The following EXOC6B variants were observed in gnomAD, a reference collection of about 807,000 sequenced individuals.
EXOC6B encodes exocyst complex component 6B, also known as SEC15 homolog B.
EXOC6B carries 54 observed loss-of-function variants against 113.5 expected under a neutral mutation model. The ratio of observed to expected loss-of-function variants is 0.48; its 90% CI spans 0.38 to 0.60. The LOEUF (loss-of-function observed/expected upper bound fraction) is 0.60, where lower values mean the gene tolerates loss of function less well. Among genes scored for constraint, EXOC6B ranks in the 20% least tolerant of loss-of-function variants. The pLI, the probability that EXOC6B is intolerant of heterozygous loss-of-function variation, is 0.00. For synonymous variants in EXOC6B, 357 were observed against 339.0 expected, an observed-to-expected ratio of 1.05 and a Z score of -0.58; for missense variants, 797 against 977.5, an observed-to-expected ratio of 0.82 and a Z score of 2.46.
At chr2:72,650,172 TATGAGAATCCAATGCCTGA>T (rs1230602228) in intron 6 of EXOC6B, among the ~76,000 whole-genome samples, 1 of 152,218 alleles carries the variant, frequency 6.6e-6, no homozygotes, top group African/African-American at 2.4e-5. Flanking sequence ...GTGTGCTCCT[TATGAGAATCCAATGCCTGA>T]TGATCTAAGT....
intron 5 of EXOC6B, among the ~76,000 whole-genome samples, chr2:72,726,038 CAG>C (rs1680282051): frequency 6.6e-6 from 1 of 152,082 alleles, no homozygotes; most frequent in Non-Finnish European, 1.5e-5. Flanking sequence ...AGAGAGTATT[CAG>C]CCATAAAAAG....
At chr2:72,371,431 T>G (rs1047136034) in intron 19 of EXOC6B, among the ~76,000 whole-genome samples, 1 of 152,082 alleles carries the variant, frequency 6.6e-6, no homozygotes, top group African/African-American at 2.4e-5. Context: ...GACATAAAAA[T>G]TCTCAACAAA....
intron 18 of EXOC6B, among the ~76,000 whole-genome samples, chr2:72,452,654 C>T (rs953072920): frequency 6.6e-6 from 1 of 152,126 alleles, no homozygotes; most frequent in African/African-American, 2.4e-5. Flanking sequence ...CAGGAATAAG[C>T]ATAGTATGTT....
intron 20 of EXOC6B, among the ~76,000 whole-genome samples, chr2:72,269,977 A>C (rs928008222): frequency 6.6e-6 from 1 of 152,140 alleles, no homozygotes; most frequent in Non-Finnish European, 1.5e-5. Flanking sequence ...ATAATAGGGG[A>C]TGTGAAGAGG....
At chr2:72,380,266 T>C (rs1464349713) in intron 18 of EXOC6B, among the ~76,000 whole-genome samples, 1 of 152,180 alleles carries the variant, frequency 6.6e-6, no homozygotes, top group African/African-American at 2.4e-5. Flanking sequence ...AAAAAATTCT[T>C]AAAAATAAAA....
chr2:72,748,231 C>A (rs1406432441), intron 1 of EXOC6B, among the ~76,000 whole-genome samples: 1 of 151,898 alleles, frequency 6.6e-6, no homozygotes, highest in African/African-American at 2.4e-5. Flanking sequence ...CTGGTCTTTT[C>A]TTTTTCATAT....
intron 20 of EXOC6B, among the ~76,000 whole-genome samples, chr2:72,234,312 T>C (rs1220207484): frequency 6.6e-6 from 1 of 152,104 alleles, no homozygotes; most frequent in African/African-American, 2.4e-5. Context: ...CTTGAACTCC[T>C]GACCTCGTGA....
At position 72,783,291 on chromosome 2, in the gene EXOC6B, T is replaced by C. The variant is rs147313967; in HGVS notation, c.114-41822A>G. Among the ~76,000 whole-genome samples, 635 of 150,852 alleles carry C rather than the reference T, an allele frequency of 4.2e-3. 3 individuals carry two copies. Among genetic ancestry groups the C allele is most frequent in the Non-Finnish European group, 6.6e-3 (448 of 67,740 alleles). On this transcript the variant is annotated intron_variant, in intron 1 of 21. Coordinates refer to ENST00000272427, the MANE Select transcript of EXOC6B (RefSeq NM_015189.3). ...TTAGTGGTGTTGAGCATTTTTAATA[T>C]ACCTGTTGGTCACTTCTTTTTCTTT...
chr2:72,565,877 A>G (rs11689475), intron 7 of EXOC6B, among the ~76,000 whole-genome samples: 2,753 of 152,190 alleles, frequency 0.018, 45 homozygotes, highest in Non-Finnish European at 0.032. Context: ...TACAACCCCT[A>G]TGGAGGAGAA....
rs150127118 is a variant in EXOC6B at position 72,192,698 on chromosome 2, A to T, written c.2197-8511T>A. Among the ~76,000 whole-genome samples the T allele has an allele frequency of 1.4e-4, 21 of 152,306 alleles. No homozygotes were observed. The East Asian group carries it at 3.9e-3, about 28-fold the overall frequency. ...ATGCTAAGACACACTGACAGTGACC[A>T]TACCCCTCTTCCCCAGGGGTGATTT... is the stretch of plus-strand genomic sequence containing the variant. On this transcript the variant is annotated intron_variant, in intron 20 of 21. Coordinates refer to ENST00000272427, the MANE Select transcript of EXOC6B (RefSeq NM_015189.3).
At chr2:72,522,079 C>T (rs902586349) in intron 8 of EXOC6B, among the ~76,000 whole-genome samples, 3 of 152,062 alleles carry the variant, frequency 2.0e-5, no homozygotes, top group African/African-American at 7.2e-5. Context: ...ATAAAGAAAT[C>T]TCCACAACAA....
At chr2:72,427,296 G>A (rs1695253295) in intron 18 of EXOC6B, among the ~76,000 whole-genome samples, 1 of 152,180 alleles carries the variant, frequency 6.6e-6, no homozygotes, top group African/African-American at 2.4e-5. Flanking sequence ...GGCCAGGGCT[G>A]CCAGCATGCT....
intron 18 of EXOC6B, among the ~76,000 whole-genome samples, chr2:72,440,261 C>A (rs1367876830): frequency 1.3e-5 from 2 of 151,788 alleles, no homozygotes; most frequent in African/African-American, 2.4e-5. Context: ...TCTCCAGGGT[C>A]GTAATGAAAA....
At chr2:72,529,462 G>T (rs1029082353) in intron 8 of EXOC6B, among the ~76,000 whole-genome samples, 12 of 151,954 alleles carry the variant, frequency 7.9e-5, no homozygotes, top group Non-Finnish European at 1.8e-4. Context: ...TTACCTTAAG[G>T]GTATTAACTT....
At chr2:72,810,971 G>A (rs1685880703) in intron 1 of EXOC6B, among the ~76,000 whole-genome samples, 1 of 151,582 alleles carries the variant, frequency 6.6e-6, no homozygotes, top group South Asian at 2.1e-4. Flanking sequence ...CACTTAGGAG[G>A]TGAAGGTTCC....
intron 19 of EXOC6B, among the ~76,000 whole-genome samples, chr2:72,366,826 T>C (rs930676741): frequency 2.6e-5 from 4 of 151,766 alleles, no homozygotes; most frequent in Non-Finnish European, 5.9e-5. Flanking sequence ...TAGAATTCAT[T>C]ATACAGTGAA....
chr2:72,407,574 A>T (rs1320864247), intron 18 of EXOC6B, among the ~76,000 whole-genome samples: 1 of 152,198 alleles, frequency 6.6e-6, no homozygotes, highest in South Asian at 2.1e-4. Context: ...GCAAATCAAT[A>T]AACGCAATCC....
At position 72,717,884 on chromosome 2, in the gene EXOC6B, T is replaced by A. The variant is rs4852891; in HGVS notation, c.669+219A>T. Among the ~76,000 whole-genome samples the A allele has an allele frequency of 9.9e-5, 15 of 152,134 alleles. 1 individual carries two copies. The East Asian group carries it at 1.5e-3, about 16-fold the overall frequency. On this transcript the variant is annotated intron_variant, in intron 6 of 21. Transcript: ENST00000272427. ...TAACCTCAATGTAAACCATCACAAC[T>A]GATCAATATTTACTGAACATCTACA...
chr2:72,435,415 T>C (rs543658418), intron 18 of EXOC6B, among the ~76,000 whole-genome samples: 1 of 152,312 alleles, frequency 6.6e-6, no homozygotes, highest in South Asian at 2.1e-4. Flanking sequence ...TAGATGTCTA[T>C]TAGGTCTGCT....
Sources: gnomAD v4.1 joint callset for allele counts (sites outside exome capture counted in the v4.1 genomes callset) on GRCh38, gnomAD v4.1.1 for gene constraint, MANE v1.5 for transcripts, NCBI Gene and HGNC (gene_info 2026-07-23, HGNC 2026-07-21) for gene names.